TTC17: variants seen among roughly 807,000 people sequenced by gnomAD.
TTC17 encodes tetratricopeptide repeat domain 17, also known as tetratricopeptide repeat protein 17.
In TTC17, 58 loss-of-function variants were observed where a neutral mutation model predicts 143.8. The ratio of observed to expected loss-of-function variants is 0.40; its 90% confidence interval spans 0.33 to 0.50. The LOEUF is 0.50. Among genes scored for constraint, TTC17 ranks in the 20% least tolerant of loss-of-function variants. TTC17 has a pLI of 0.49. For synonymous variants in TTC17, 501 were observed against 497.8 expected, an observed-to-expected ratio of 1.01 and a Z score of -0.09; for missense variants, 1,273 against 1,392.5, an observed-to-expected ratio of 0.91 and a Z score of 1.37.
rs867036259 is a variant in TTC17 at position 43,383,249 on chromosome 11, T to A, written c.249+3927T>A. Among the ~76,000 whole-genome samples the A allele has an allele frequency of 2.4e-4, 36 of 150,870 alleles. No individual in the cohort carries two copies. The Middle Eastern group carries it at 0.014, about 57-fold the overall frequency. On this transcript the variant is annotated intron_variant, in intron 2 of 23. Coordinates refer to ENST00000039989, the MANE Select transcript of TTC17 (RefSeq NM_018259.6). ...GGGAGTGGGGGAGAGAGAGAGAGAG[T>A]GGTATCCAGTAGATTAAAAGAGATG...
At chr11:43,410,630 G>A (rs931450949) in intron 15 of TTC17, among the ~76,000 whole-genome samples, 6 of 152,060 alleles carry the variant, frequency 3.9e-5, no homozygotes, top group Admixed American at 2.0e-4. Context: ...TGAATTACCC[G>A]TCACCTTTGC....
chr11:43,481,671 T>C (rs1470920361), intron 21 of TTC17, among the ~76,000 whole-genome samples: 1 of 152,210 alleles, frequency 6.6e-6, no homozygotes, highest in Non-Finnish European at 1.5e-5. Context: ...GTTCTTCATA[T>C]TATTTTCTTA....
intron 10 of TTC17, among the ~76,000 whole-genome samples, chr11:43,402,027 A>G (rs982097866): frequency 1.3e-5 from 2 of 149,068 alleles, no homozygotes; most frequent in African/African-American, 2.5e-5. Context: ...AAATAAATAA[A>G]TAAAGAGCGA....
At position 43,451,223 on chromosome 11, in the gene TTC17, G is replaced by A. The variant is rs746861807; in HGVS notation, c.2988G>A (p.Ser996=). 5.0e-6 allele frequency: 8 copies of A among 1,613,630 alleles called. No individual in the cohort carries two copies. The highest frequency in any genetic ancestry group is 2.2e-5 in the South Asian group (2 of 91,074). Residue 996 remains serine (S), a synonymous_variant, in exon 21 of 24, where the codon TCG becomes TCA. Transcript: ENST00000039989. ...NLGKDQYPQQ[S]LEQIGTRIAK... ...GCAAAGACCAATATCCACAACAGTC[G>A]CTTGAACAGATTGGCACCCGAATTG...
chr11:43,449,015 A>G (rs970032887), intron 19 of TTC17: 1 of 152,168 alleles, frequency 6.6e-6, no homozygotes, highest in East Asian at 1.9e-4. Flanking sequence ...ACTTTTCTCC[A>G]TCCCCATTGC....
intron 5 of TTC17, among the ~76,000 whole-genome samples, chr11:43,393,186 G>A (rs1857452884): frequency 6.6e-6 from 1 of 152,156 alleles, no homozygotes; most frequent in African/African-American, 2.4e-5. Flanking sequence ...CCTGGAGTTA[G>A]CACAGACCCC....
At chr11:43,392,627 G>A (rs1162505035) in intron 5 of TTC17, among the ~76,000 whole-genome samples, 3 of 152,140 alleles carry the variant, frequency 2.0e-5, no homozygotes, top group Admixed American at 6.5e-5. Flanking sequence ...ATAAAAGTCC[G>A]ATAATAACTT....
intron 16 of TTC17, among the ~76,000 whole-genome samples, chr11:43,434,167 GGACACACACACA>G: frequency 8.0e-6 from 1 of 124,560 alleles, no homozygotes; most frequent in East Asian, 2.5e-4. Flanking sequence ...CCATGGGCGG[GGACACACACACA>G]CACACACACA....
intron 21 of TTC17, among the ~76,000 whole-genome samples, chr11:43,476,731 C>A (rs946540969): frequency 6.6e-6 from 1 of 152,226 alleles, no homozygotes; most frequent in African/African-American, 2.4e-5. Context: ...GCCCAGCCCA[C>A]AAAACCACTT....
chr11:43,378,037 G>A (rs1383556756), intron 1 of TTC17, among the ~76,000 whole-genome samples: 1 of 152,032 alleles, frequency 6.6e-6, no homozygotes, highest in African/African-American at 2.4e-5. Context: ...CCGAGTAGCT[G>A]GGACTACAGT....
At chr11:43,460,769 G>T (rs192016103) in intron 21 of TTC17, among the ~76,000 whole-genome samples, 1 of 152,276 alleles carries the variant, frequency 6.6e-6, no homozygotes, top group East Asian at 1.9e-4. Context: ...CTCAACTGGG[G>T]TGGCTGCATT....
At chr11:43,493,341 T>G (rs1306058084) in intron 23 of TTC17, among the ~76,000 whole-genome samples, 2 of 152,172 alleles carry the variant, frequency 1.3e-5, no homozygotes, top group African/African-American at 4.8e-5. Flanking sequence ...ATTAGAAAAT[T>G]TAGGCAGATG....
chr11:43,391,968 C>G lies in TTC17; in HGVS notation c.663+16C>G. 2 of 1,591,566 alleles carry G rather than the reference C, an allele frequency of 1.3e-6. No individual in the cohort carries two copies. The highest frequency in any genetic ancestry group is 1.7e-6 in the Non-Finnish European group (2 of 1,173,440). ...CCTACAGAAGGTAAGTCATCAGTCACTTAAAGAGCCAGCGGGCTGAGCCAG... is the reference window on the plus strand; with the variant it reads ...CCTACAGAAGGTAAGTCATCAGTCAGTTAAAGAGCCAGCGGGCTGAGCCAG... On this transcript the variant is annotated intron_variant, in intron 5 of 23. Transcript: ENST00000039989.
Position 43,430,709 on chromosome 11 carries a change from G to GCGCACACACA in TTC17, c.2252-12615_2252-12614insGCACACACAC, listed in dbSNP as rs1554994150. ...TGCCCCCAGCATCCCCTACATACAC[G>GCGCACACACA]CACACACACACACACACACACACAC... On this transcript the variant is annotated intron_variant, in intron 16 of 23. Coordinates refer to ENST00000039989, the MANE Select transcript of TTC17 (RefSeq NM_018259.6). Among the ~76,000 whole-genome samples, 289 of 138,534 alleles carry GCGCACACACA rather than the reference G, an allele frequency of 2.1e-3. 4 individuals are homozygous for GCGCACACACA. Among genetic ancestry groups the GCGCACACACA allele is most frequent in the African/African-American group, 7.4e-3 (272 of 36,610 alleles). The allele number at this position is 138,534 out of a possible 152,430, so 90.9% of individuals were successfully genotyped here.
intron 16 of TTC17, among the ~76,000 whole-genome samples, chr11:43,416,240 A>G (rs1946776332): frequency 6.6e-6 from 1 of 152,098 alleles, no homozygotes; most frequent in Non-Finnish European, 1.5e-5. Flanking sequence ...TAGGTTACCT[A>G]AGAACAGCCT....
At chr11:43,391,188 C>T (rs1216838290) in intron 3 of TTC17, among the ~76,000 whole-genome samples, 1 of 152,112 alleles carries the variant, frequency 6.6e-6, no homozygotes, top group African/African-American at 2.4e-5. Context: ...CACTTGAGGC[C>T]AGGAGTTCAG....
At chr11:43,383,678 A>G (rs1346563671) in intron 2 of TTC17, among the ~76,000 whole-genome samples, 10 of 152,112 alleles carry the variant, frequency 6.6e-5, no homozygotes, top group African/African-American at 1.9e-4. Context: ...CACAAACTCT[A>G]TTTTTAAAAG....
Position 43,389,733 on chromosome 11 carries a change from G to A in TTC17, c.331G>A (p.Asp111Asn). The A allele has an allele frequency of 6.2e-7, 1 of 1,614,058 alleles. No individual in the cohort carries two copies. Among genetic ancestry groups the A allele is most frequent in the Non-Finnish European group, 8.5e-7 (1 of 1,179,962 alleles). ...ACTGGAACAGAGACATAATAAAGAA[G>A]ACCCAGACTGCATCAAAGCCAAGGT... is the stretch of plus-strand genomic sequence containing the variant. ...TGLEQRHNKE[D>N]PDCIKAKVPL... Residue 111 changes from aspartate (D) to asparagine (N), a missense_variant, in exon 3 of 24, where the codon GAC (aspartate) becomes AAC (asparagine). Asp to Asn is a conservative substitution (Grantham distance 23, BLOSUM62 1). This residue lies in a region of TTC17 where 325 missense variants were observed against 444.2 expected (regional missense o/e 0.73). Coordinates refer to ENST00000039989, the MANE Select transcript of TTC17 (RefSeq NM_018259.6).
At chr11:43,391,439 C>T in intron 3 of TTC17, 26 bp from the exon 4 acceptor site, 1 of 1,319,080 alleles carries the variant, frequency 7.6e-7, no homozygotes, top group Non-Finnish European at 1.1e-6. Context: ...ACCTTTTATT[C>T]ATTCATTGCT....
Sources: gnomAD v4.1 joint callset for allele counts (sites outside exome capture counted in the v4.1 genomes callset) on GRCh38, gnomAD v4.1.1 for gene constraint, gnomAD v4.1.1 regional missense constraint, MANE v1.5 for transcripts, NCBI Gene and HGNC (gene_info 2026-07-23, HGNC 2026-07-21) for gene names.